The following XPO6 variants were observed in gnomAD, a reference collection of about 807,000 sequenced individuals.
XPO6 encodes exportin-6.
In XPO6, 3 loss-of-function variants were observed where a neutral mutation model predicts 130.0. The ratio of observed to expected loss-of-function variants is 0.02; its 90% CI spans 0.01 to 0.06. The LOEUF is 0.06. XPO6 is among the 10% of genes least tolerant of loss of function. The pLI is 1.00. For missense variants in XPO6, 970 were observed against 1,393.0 expected (o/e 0.70, Z 4.83); for synonymous variants, 524 against 548.9 (o/e 0.95, Z 0.63).
At chr16:28,159,232 AAAAAAAG>A (rs938911984) in intron 6 of XPO6, among the ~76,000 whole-genome samples, 1 of 152,074 alleles carries the variant, frequency 6.6e-6, no homozygotes, top group African/African-American at 2.4e-5. Context: ...CTCTGTCTTT[AAAAAAAG>A]AAAAAAGAAA....
chr16:28,162,366 G>C (rs767453977), intron 6 of XPO6, among the ~76,000 whole-genome samples: 6 of 152,328 alleles, frequency 3.9e-5, no homozygotes, highest in Admixed American at 2.0e-4. Context: ...GCACAAAACA[G>C]ATTCTGCTTC....
chr16:28,100,230 TCCGC>T (rs1391633242), intron 23 of XPO6, among the ~76,000 whole-genome samples: 3 of 152,132 alleles, frequency 2.0e-5, no homozygotes, highest in Non-Finnish European at 4.4e-5. Flanking sequence ...CCTCAAGTGA[TCCGC>T]CCGCCTTGGC....
intron 12 of XPO6, among the ~76,000 whole-genome samples, chr16:28,126,174 C>T (rs1028784335): frequency 1.3e-5 from 2 of 152,196 alleles, no homozygotes; most frequent in African/African-American, 4.8e-5. Context: ...CTGTTACATA[C>T]AAGGAGGCAC....
chr16:28,124,809 T>C (rs958787115), intron 13 of XPO6, among the ~76,000 whole-genome samples: 2 of 152,244 alleles, frequency 1.3e-5, no homozygotes, highest in African/African-American at 4.8e-5. Flanking sequence ...AGCTAAGATG[T>C]GGCAGTGAAG....
intron 14 of XPO6, 23 bp from the exon 15 acceptor site, chr16:28,117,485 G>T: frequency 1.9e-6 from 3 of 1,607,764 alleles, no homozygotes; most frequent in South Asian, 1.1e-5. Context: ...AAGAAGATGT[G>T]ATTTTAAAGG....
chr16:28,208,257 T>G (rs1415489079), intron 1 of XPO6, among the ~76,000 whole-genome samples: 1 of 152,222 alleles, frequency 6.6e-6, no homozygotes, highest in Non-Finnish European at 1.5e-5. Context: ...TTATTAGAGT[T>G]GAAGATTTAA....
intron 1 of XPO6, chr16:28,209,193 A>G (rs1248116146): frequency 1.3e-5 from 2 of 152,222 alleles, no homozygotes; most frequent in Non-Finnish European, 2.9e-5. Context: ...AGACGGGTAC[A>G]GGTTGTTTTG....
chr16:28,168,052 G>A (rs749383801), intron 5 of XPO6, among the ~76,000 whole-genome samples: 14 of 152,044 alleles, frequency 9.2e-5, no homozygotes, highest in African/African-American at 3.4e-4. Flanking sequence ...ACTAAAAGCC[G>A]GTCAATATTG....
In XPO6 at chr16:28,210,907, C is replaced by G. The variant is rs559893921; in HGVS notation, c.3+459G>C. Among the ~76,000 whole-genome samples, 3 of 152,318 alleles carry G rather than the reference C, an allele frequency of 2.0e-5. No individual in the cohort carries two copies. The South Asian group carries it at 6.2e-4, about 32-fold the overall frequency. On this transcript the variant is annotated intron_variant, in intron 1 of 23. Transcript: ENST00000304658. ...TATTAGAGATGCCTAGGTTCAAAGT[C>G]AGATGCCTAGGTTCAAATCTTAACA... is the stretch of plus-strand genomic sequence containing the variant.
intron 7 of XPO6, chr16:28,153,574 G>C (rs979075110): frequency 1.0e-6 from 1 of 985,240 alleles, no homozygotes; most frequent in African/African-American, 1.7e-5. Flanking sequence ...GGTCACAGCT[G>C]CAAGGATAAG....
intron 1 of XPO6, among the ~76,000 whole-genome samples, chr16:28,195,979 C>CT (rs1437513175): frequency 6.6e-6 from 1 of 152,178 alleles, no homozygotes; most frequent in Non-Finnish European, 1.5e-5. Context: ...CCAATTTGCA[C>CT]TCCAAATCAA....
At chr16:28,117,957 G>A (rs758719622) in intron 14 of XPO6, among the ~76,000 whole-genome samples, 1 of 152,228 alleles carries the variant, frequency 6.6e-6, no homozygotes, top group Non-Finnish European at 1.5e-5. Flanking sequence ...CAAAGACTAT[G>A]TTTGGTTTCA....
At chr16:28,196,238 G>T (rs138648628) in intron 1 of XPO6, among the ~76,000 whole-genome samples, 77 of 152,174 alleles carry the variant, frequency 5.1e-4, no homozygotes, top group African/African-American at 1.7e-3. Flanking sequence ...TGCCACAGAT[G>T]GATTTCTATT....
intron 13 of XPO6, among the ~76,000 whole-genome samples, chr16:28,124,841 C>A (rs1268396355): frequency 6.6e-6 from 1 of 152,230 alleles, no homozygotes; most frequent in Admixed American, 6.5e-5. Flanking sequence ...TGCACCCAGG[C>A]TCCTGAGGCT....
At chr16:28,134,457 T>C (rs2042737580) in intron 10 of XPO6, among the ~76,000 whole-genome samples, 1 of 152,154 alleles carries the variant, frequency 6.6e-6, no homozygotes, top group Non-Finnish European at 1.5e-5. Context: ...GACACGTCAC[T>C]CCCCTTTTGG....
chr16:28,133,609 G>C (rs1007324497), intron 11 of XPO6, among the ~76,000 whole-genome samples: 3 of 152,238 alleles, frequency 2.0e-5, no homozygotes, highest in Non-Finnish European at 4.4e-5. Flanking sequence ...TAAGGCTTTA[G>C]TCAAATTGCT....
At chr16:28,159,625 G>A (rs956953374) in intron 6 of XPO6, among the ~76,000 whole-genome samples, 1 of 152,190 alleles carries the variant, frequency 6.6e-6, no homozygotes, top group African/African-American at 2.4e-5. Context: ...AAATTACATA[G>A]AGACTCAAGA....
In XPO6 at chr16:28,169,871, G is replaced by A. The variant is rs1288619655; in HGVS notation, c.444C>T (p.Ile148=). 1.2e-6 allele frequency: 2 copies of A among 1,614,058 alleles called. No individual in the cohort carries two copies. The highest frequency in any genetic ancestry group is 1.7e-5 in the Admixed American group (1 of 60,012). ...QSPVTTPLGL[I]MLKTTSEELA... ...GCTCTTCTGAAGTTGTCTTCAACAT[G>A]ATCAGCCCAAGGGGGGTTGTCACAG... The change falls in exon 5 of 24, where the codon ATC becomes ATT. Residue 148 remains isoleucine (I), a synonymous_variant. Transcript: ENST00000304658.
chr16:28,154,164 T>C (rs965187732), intron 7 of XPO6: 218 of 983,474 alleles, frequency 2.2e-4, no homozygotes, highest in Admixed American at 6.3e-4. Flanking sequence ...CACTCACTTA[T>C]GTACCGCATG....
Sources: gnomAD v4.1 joint callset for allele counts (sites outside exome capture counted in the v4.1 genomes callset) on GRCh38, gnomAD v4.1.1 for gene constraint, MANE v1.5 for transcripts, NCBI Gene and HGNC (gene_info 2026-07-23, HGNC 2026-07-21) for gene names.